SAP18: variants seen among roughly 807,000 people sequenced by gnomAD.
The protein encoded by SAP18 is Sin3A associated protein 18, also known as histone deacetylase complex subunit SAP18.
SAP18 carries 4 observed loss-of-function variants against 18.6 expected under a neutral mutation model. The observed-to-expected ratio is 0.21, with a 90% CI of 0.11 to 0.49. The LOEUF is 0.49. Ranked by LOEUF, SAP18 falls within the 20% of genes least tolerant of loss-of-function variation. The pLI, the probability that SAP18 is intolerant of heterozygous loss-of-function variation, is 0.98. For synonymous variants in SAP18, 112 were observed against 82.8 expected, an observed-to-expected ratio of 1.35 and a Z score of -1.92; for missense variants, 170 against 226.4, an observed-to-expected ratio of 0.75 and a Z score of 1.60.
chr13:21,143,383 T>C (rs17344661), intron 2 of SAP18, among the ~76,000 whole-genome samples: 7,238 of 152,296 alleles, frequency 0.048, 246 homozygotes, highest in Middle Eastern at 0.079. Flanking sequence ...CCCTTGAAGA[T>C]TGGGACCTTA....
exon 4 of SAP18, chr13:21,147,879 G>GT (rs1243485599): frequency 6.6e-5 from 10 of 152,554 alleles, no homozygotes; most frequent in African/African-American, 2.4e-4. Context: ...GACATAAAAG[G>GT]TTAAAGAACA....
upstream of SAP18, chr13:21,140,397 G>A (rs1013450553): frequency 1.4e-6 from 1 of 732,600 alleles, no homozygotes; most frequent in Non-Finnish European, 2.2e-6. Context: ...TCCTCCCCGC[G>A]GACGTCAGCA....
At chr13:21,143,996 C>G (rs1248105323) in intron 2 of SAP18, among the ~76,000 whole-genome samples, 1 of 152,078 alleles carries the variant, frequency 6.6e-6, no homozygotes, top group Non-Finnish European at 1.5e-5. Flanking sequence ...TAGGCAGTCC[C>G]AAGAGAAGTT....
exon 4 of SAP18, chr13:21,148,413 T>G (rs1869728918): frequency 2.6e-5 from 4 of 152,284 alleles, no homozygotes; most frequent in African/African-American, 9.6e-5. Context: ...TTGAAGTTTA[T>G]GAACAGTACG....
upstream of SAP18, among the ~76,000 whole-genome samples, chr13:21,140,338 G>A (rs569701695): frequency 2.3e-4 from 35 of 152,290 alleles, no homozygotes; most frequent in Non-Finnish European, 4.7e-4. Context: ...ATATTTAAGG[G>A]AAAAAAACAT....
exon 4 of SAP18, chr13:21,147,294 C>T (rs1869682359): frequency 6.2e-7 from 1 of 1,613,964 alleles, no homozygotes; most frequent in Non-Finnish European, 8.5e-7. Context: ...TAGCAATTAC[C>T]CCTCCAAATC....
At chr13:21,148,631 G>A (rs1869739216) in exon 4 of SAP18, 1 of 152,226 alleles carries the variant, frequency 6.6e-6, no homozygotes, top group Middle Eastern at 3.4e-3. Flanking sequence ...TAGATCTGGT[G>A]CTTCTTCTGT....
intron 1 of SAP18, 23 bp from the exon 2 acceptor site, chr13:21,140,863 C>T (rs1223906064): frequency 1.2e-6 from 2 of 1,603,048 alleles, no homozygotes; most frequent in African/African-American, 1.3e-5. Context: ...AACTTCTGCC[C>T]TTCCGTTTTC....
At chr13:21,140,737 GGTGCAGAGGCGCGGCCTGT>G in intron 1 of SAP18, 56 bp downstream of exon 1, 4 of 1,598,336 alleles carry the variant, frequency 2.5e-6, no homozygotes, top group Non-Finnish European at 3.4e-6. Flanking sequence ...AGTCCCGCAG[GGTGCAGAGGCGCGGCCTGT>G]GTGCTGGAGG....
Position 21,140,568 on chromosome 13 carries a change from GT to G in SAP18, c.17del (p.Val6AlafsTer80). 1 of 1,600,574 alleles carries G rather than the reference GT, an allele frequency of 6.2e-7. No homozygotes were observed. The highest frequency in any genetic ancestry group is 8.5e-7 in the Non-Finnish European group (1 of 1,173,870). ...CTTAGTGCTCATGCTCGCTGCAGGGGTCGGAGGTCAGGGCGAGCGTCTCGCA... is the reference window on the plus strand; with the variant it reads ...CTTAGTGCTCATGCTCGCTGCAGGGGCGGAGGTCAGGGCGAGCGTCTCGCA... On this transcript the variant is annotated frameshift_variant, in exon 1 of 4. Transcript: ENST00000621421. LOFTEE classifies it high-confidence loss of function.
At chr13:21,146,966 G>A in intron 3 of SAP18, 39 bp downstream of exon 3, 1 of 1,581,422 alleles carries the variant, frequency 6.3e-7, no homozygotes, top group Non-Finnish European at 8.6e-7. Flanking sequence ...TAATCTCTTT[G>A]TTTTTAGTAT....
chr13:21,144,601 A>AT (rs1427538257), intron 2 of SAP18, among the ~76,000 whole-genome samples: 1 of 152,110 alleles, frequency 6.6e-6, no homozygotes, highest in Non-Finnish European at 1.5e-5. Flanking sequence ...TTTAAGGTCA[A>AT]TTGGTTGTTG....
intron 1 of SAP18, 46 bp downstream of exon 1, chr13:21,140,727 A>G (rs970024079): frequency 1.2e-6 from 2 of 1,600,066 alleles, no homozygotes; most frequent in Non-Finnish European, 1.7e-6. Flanking sequence ...GTTGGGGATG[A>G]GTCCCGCAGG....
chr13:21,143,375 CT>C (rs1201301488), intron 2 of SAP18, among the ~76,000 whole-genome samples: 1 of 152,152 alleles, frequency 6.6e-6, no homozygotes, highest in African/African-American at 2.4e-5. Context: ...GAGCTAATCC[CT>C]TGAAGATTGG....
intron 2 of SAP18, among the ~76,000 whole-genome samples, chr13:21,144,354 G>A (rs1279361709): frequency 2.8e-5 from 4 of 142,070 alleles, no homozygotes; most frequent in Admixed American, 1.5e-4. Context: ...GCAGTGAGCC[G>A]AGATCAGCGC....
At chr13:21,147,304 C>T in exon 4 of SAP18, 10 of 1,613,968 alleles carry the variant, frequency 6.2e-6, no homozygotes, top group Middle Eastern at 1.6e-4. Context: ...CCCTCCAAAT[C>T]GGGCACCACC....
At position 21,141,293 on chromosome 13, in the gene SAP18, TGTA is replaced by T. The variant is rs146744481; in HGVS notation, c.239+302_239+304del. ...AAAAGTGATAGGTAGATAAATATGT[TGTA>T]GTATCTGCCCTAAAGGGACTCATAG... On this transcript the variant is annotated intron_variant, in intron 2 of 3. Coordinates refer to ENST00000621421, the Ensembl canonical transcript of SAP18. 5.3e-3 allele frequency: 2,313 copies of T among 437,772 alleles called. 47 individuals are homozygous for T. Among genetic ancestry groups the T allele is most frequent in the African/African-American group, 0.042 (2,122 of 50,106 alleles). The allele number at this position is 437,772 out of a possible 1,614,324, so 27.1% of individuals were successfully genotyped here.
rs1326004608 is a variant in SAP18, at chr13:21,140,866, C to A, written c.130-20C>A. On this transcript the variant is annotated intron_variant, in intron 1 of 3. Transcript: ENST00000621421. ...GCTGGTGTTTTTAACTTCTGCCCTT[C>A]CGTTTTCTCTCTCCCTCAGACATGC... 6.2e-7 allele frequency: 1 copy of A among 1,605,476 alleles called. No homozygotes were observed. The highest frequency in any genetic ancestry group is 1.7e-5 in the Admixed American group (1 of 60,000).
intron 2 of SAP18, among the ~76,000 whole-genome samples, chr13:21,145,955 A>G (rs527636212): frequency 8.9e-4 from 136 of 152,374 alleles, no homozygotes; most frequent in Non-Finnish European, 1.6e-3. Context: ...CTATTGTGAC[A>G]AGAGCCTGTG....
Sources: allele counts gnomAD v4.1 joint callset (sites outside exome capture counted in the v4.1 genomes callset), GRCh38; gene constraint gnomAD v4.1.1; transcripts MANE v1.5; gene names NCBI Gene and HGNC (gene_info 2026-07-23, HGNC 2026-07-21).